CTDSP2: variants seen among roughly 807,000 people sequenced by gnomAD.
CTDSP2 encodes CTD small phosphatase 2, also known as carboxy-terminal domain RNA polymerase II polypeptide A small phosphatase 2.
A neutral mutation model predicts 31.6 loss-of-function variants in CTDSP2; 9 were observed. The ratio of observed to expected loss-of-function variants is 0.28; its 90% CI spans 0.17 to 0.50. CTDSP2 has a LOEUF of 0.50. Ranked by LOEUF, CTDSP2 falls within the 20% of genes least tolerant of loss-of-function variation. The pLI is 0.98. For synonymous variants in CTDSP2, 134 were observed against 134.5 expected (o/e 1.00, Z 0.03); for missense variants, 267 against 348.5 (o/e 0.77, Z 1.86).
At chr12:57,828,945 A>G (rs1277731504) in intron 2 of CTDSP2, among the ~76,000 whole-genome samples, 1 of 152,268 alleles carries the variant, frequency 6.6e-6, no homozygotes, top group East Asian at 1.9e-4. Flanking sequence ...TAGAGTTTCA[A>G]TTCCTTGGTT....
At chr12:57,831,220 C>T (rs1308941329) in intron 1 of CTDSP2, among the ~76,000 whole-genome samples, 1 of 151,852 alleles carries the variant, frequency 6.6e-6, no homozygotes, top group Non-Finnish European at 1.5e-5. Flanking sequence ...CTTTGGGAGG[C>T]CGAGGCAGGT....
intron 1 of CTDSP2, among the ~76,000 whole-genome samples, chr12:57,844,692 G>A (rs1389095667): frequency 6.6e-6 from 1 of 152,076 alleles, no homozygotes; most frequent in East Asian, 1.9e-4. Context: ...CAGCACAGTT[G>A]AGCAGCCAGC....
Position 57,821,743 on chromosome 12 carries a change from G to A in CTDSP2, c.*1859C>T, listed in dbSNP as rs558002827. On this transcript the variant is annotated 3_prime_UTR_variant, in exon 8 of 8. Transcript: ENST00000398073. ...CCTTTAGGTACACCGGGACCCCATA[G>A]GCACCGGGGAGTGATGCTGGCGGAA... 6.6e-6 allele frequency: 1 copy of A among 152,258 alleles called. No individual in the cohort carries two copies. Among genetic ancestry groups the A allele is most frequent in the Non-Finnish European group, 1.5e-5 (1 of 68,072 alleles). The allele number at this position is 152,258 out of a possible 1,614,324, so 9.4% of individuals were successfully genotyped here.
At chr12:57,835,328 CAAA>C (rs34407793) in intron 1 of CTDSP2, among the ~76,000 whole-genome samples, 1 of 137,868 alleles carries the variant, frequency 7.3e-6, no homozygotes, top group Admixed American at 7.2e-5. Flanking sequence ...AAATCCGTCT[CAAA>C]AAAAAAAAAG....
At chr12:57,842,242 A>G (rs1049104192) in intron 1 of CTDSP2, 4 of 152,206 alleles carry the variant, frequency 2.6e-5, no homozygotes, top group African/African-American at 9.7e-5. Context: ...ATTTACAAAC[A>G]CTTTAATTCT....
At position 57,842,174 on chromosome 12, in the gene CTDSP2, G is replaced by A. The variant is rs566834543; in HGVS notation, c.64+4198C>T. 10 of 152,222 alleles carry A rather than the reference G, an allele frequency of 6.6e-5. No homozygotes were observed. The South Asian group carries it at 1.7e-3, about 25-fold the overall frequency. 9.4% of individuals were successfully genotyped at this position (152,222 alleles called of 1,614,324 possible). A position where few individuals can be genotyped will look rare whatever the true frequency, so the allele number is the denominator to read the frequency against. ...TGGAAGGGAAGCTATGTATTGATAT[G>A]TACACACATACACACAATCCCATAT... is the stretch of plus-strand genomic sequence containing the variant. On this transcript the variant is annotated intron_variant, in intron 1 of 7. Transcript: ENST00000398073.
chr12:57,838,435 C>G (rs1490417835), intron 1 of CTDSP2, among the ~76,000 whole-genome samples: 1 of 152,204 alleles, frequency 6.6e-6, no homozygotes, highest in South Asian at 2.1e-4. Flanking sequence ...CTCCTTCCCC[C>G]TAAGGAGGTG....
rs1260530527 is a variant in CTDSP2, at chr12:57,823,534, G to A, written c.*68C>T. 8 of 1,574,872 alleles carry A rather than the reference G, an allele frequency of 5.1e-6. No homozygotes were observed. The highest frequency in any genetic ancestry group is 1.7e-5 in the Admixed American group (1 of 57,318). On this transcript the variant is annotated 3_prime_UTR_variant, in exon 8 of 8. Transcript: ENST00000398073. ...GGCACTCCAGCTTCTACTCTGTCAC[G>A]CTGATCGTAAAGGCACAGTGTGGGA...
chr12:57,844,129 A>C (rs1956298862), intron 1 of CTDSP2, among the ~76,000 whole-genome samples: 1 of 152,062 alleles, frequency 6.6e-6, no homozygotes, highest in South Asian at 2.1e-4. Context: ...TAGGAGGCGG[A>C]GGTTGCAGTG....
chr12:57,829,655 A>G, intron 1 of CTDSP2, 59 bp from the exon 2 acceptor site: 1 of 1,494,472 alleles, frequency 6.7e-7, no homozygotes. Flanking sequence ...CTGTCCACAG[A>G]TACTACCATG....
intron 2 of CTDSP2, 139 bp downstream of exon 2, chr12:57,829,309 G>A: frequency 3.2e-6 from 3 of 930,180 alleles, no homozygotes; most frequent in Non-Finnish European, 5.0e-6. Context: ...ACTTATGGAA[G>A]GATGGAGGAA....
At chr12:57,834,706 T>C (rs1956236179) in intron 1 of CTDSP2, among the ~76,000 whole-genome samples, 1 of 152,226 alleles carries the variant, frequency 6.6e-6, no homozygotes, top group Non-Finnish European at 1.5e-5. Context: ...GACAGCCAGG[T>C]GCAGGCCATC....
At chr12:57,831,127 A>G (rs1462406818) in intron 1 of CTDSP2, among the ~76,000 whole-genome samples, 1 of 144,596 alleles carries the variant, frequency 6.9e-6, no homozygotes, top group African/African-American at 2.5e-5. Flanking sequence ...AAAAAAAATT[A>G]TGAGCATTAC....
chr12:57,842,471 T>C (rs1161580799), intron 1 of CTDSP2: 1 of 152,200 alleles, frequency 6.6e-6, no homozygotes, highest in Non-Finnish European at 1.5e-5. Flanking sequence ...TTCACAGCAA[T>C]TCCAGTGCTG....
intron 1 of CTDSP2, among the ~76,000 whole-genome samples, chr12:57,838,462 G>A (rs1956261088): frequency 6.6e-6 from 1 of 152,230 alleles, no homozygotes; most frequent in Admixed American, 6.5e-5. Flanking sequence ...AAGCCCCTGT[G>A]GGAGGGGCTA....
At chr12:57,831,469 C>G (rs1164660368) in intron 1 of CTDSP2, among the ~76,000 whole-genome samples, 3 of 152,096 alleles carry the variant, frequency 2.0e-5, no homozygotes, top group Admixed American at 1.3e-4. Context: ...AAAAGATTAT[C>G]TTTTGCAAGT....
chr12:57,820,799 C>T lies in CTDSP2; in HGVS notation c.*2803G>A, dbSNP rs1801928. The T allele has an allele frequency of 0.011, 1,729 of 152,378 alleles. 8 individuals carry two copies. Among genetic ancestry groups the T allele is most frequent in the Middle Eastern group, 0.048 (14 of 294 alleles). The allele number at this position is 152,378 out of a possible 1,614,324, so 9.4% of individuals were successfully genotyped here. The stretch of plus-strand genomic sequence containing the variant: ...ACCCTTTTCCAAACTGGTCCTGTGT[C>T]CAAAGCTCCCCCTATGAGAGGGACA... On this transcript the variant is annotated 3_prime_UTR_variant, in exon 8 of 8. Coordinates refer to ENST00000398073, the MANE Select transcript of CTDSP2 (RefSeq NM_005730.4).
intron 1 of CTDSP2, among the ~76,000 whole-genome samples, chr12:57,835,087 C>G (rs1019573051): frequency 6.7e-6 from 1 of 148,696 alleles, no homozygotes; most frequent in African/African-American, 2.5e-5. Context: ...CATGCCATTG[C>G]ACTCCAGCCT....
At chr12:57,845,585 T>A (rs979075875) in intron 1 of CTDSP2, 4 of 152,076 alleles carry the variant, frequency 2.6e-5, no homozygotes, top group African/African-American at 9.7e-5. Context: ...GCGAATTATG[T>A]AACCAGGGAC....
Sources: allele counts gnomAD v4.1 joint callset (sites outside exome capture counted in the v4.1 genomes callset), GRCh38; gene constraint gnomAD v4.1.1; transcripts MANE v1.5; gene names NCBI Gene and HGNC (gene_info 2026-07-23, HGNC 2026-07-21).